LCORL: variants seen among roughly 807,000 people sequenced by gnomAD.
LCORL encodes ligand dependent nuclear receptor corepressor like.
Under a neutral mutation model 141.8 loss-of-function variants are expected in LCORL, and 41 were observed. The ratio of observed to expected loss-of-function variants is 0.29; its 90% CI spans 0.23 to 0.38. The LOEUF is 0.38. LCORL is among the 10% of genes least tolerant of loss of function. The pLI, the probability that LCORL is intolerant of heterozygous loss-of-function variation, is 1.00. For synonymous variants in LCORL, 618 were observed against 694.1 expected (o/e 0.89, Z 1.72); for missense variants, 1,759 against 2,035.0 (o/e 0.86, Z 2.61).
At chr4:17,976,016 T>C (rs900859867) in intron 1 of LCORL, among the ~76,000 whole-genome samples, 8 of 152,290 alleles carry the variant, frequency 5.3e-5, no homozygotes, top group African/African-American at 1.7e-4. Flanking sequence ...TGAATTGATA[T>C]CATCATTATA....
At chr4:17,986,107 TA>T (rs1718917727) in intron 1 of LCORL, among the ~76,000 whole-genome samples, 1 of 152,232 alleles carries the variant, frequency 6.6e-6, no homozygotes, top group Non-Finnish European at 1.5e-5. Flanking sequence ...TTCTGGCTTG[TA>T]GGGTTTCTGC....
rs1376105309 is a variant in LCORL at position 18,021,464 on chromosome 4, C to T, written c.154+134G>A. On this transcript the variant is annotated intron_variant, in intron 1 of 7. Transcript: ENST00000635767. The surrounding 1 kb of genome is among the most constrained non-coding windows in gnomAD (Gnocchi z 5.5). ...GGCGAGCGCCGGGGCCGCCGCGCCG[C>T]GCCGCTCCCATCTCGCTCCCCCACC... 2.8e-6 allele frequency: 2 copies of T among 721,330 alleles called. No homozygotes were observed. The highest frequency in any genetic ancestry group is 1.9e-5 in the African/African-American group (1 of 52,942). The allele number at this position is 721,330 out of a possible 1,614,324, so 44.7% of individuals were successfully genotyped here.
intron 1 of LCORL, among the ~76,000 whole-genome samples, chr4:17,997,551 G>A (rs1721105186): frequency 6.6e-6 from 1 of 152,100 alleles, no homozygotes; most frequent in Non-Finnish European, 1.5e-5. Context: ...ACAAAAATGA[G>A]CACTTGTGGC....
At chr4:18,000,092 A>G (rs928971039) in intron 1 of LCORL, among the ~76,000 whole-genome samples, 1 of 151,326 alleles carries the variant, frequency 6.6e-6, no homozygotes, top group Admixed American at 6.6e-5. Flanking sequence ...AGAGTAACTA[A>G]GTTTATTACT....
intron 7 of LCORL, among the ~76,000 whole-genome samples, chr4:17,848,611 C>T (rs1434529435): frequency 1.3e-5 from 2 of 152,230 alleles, no homozygotes; most frequent in Non-Finnish European, 1.5e-5. Context: ...ACGCAGAAGA[C>T]GAGTGATTTC....
intron 1 of LCORL, among the ~76,000 whole-genome samples, chr4:17,989,429 T>C (rs1256205676): frequency 1.3e-5 from 2 of 152,156 alleles, no homozygotes; most frequent in African/African-American, 4.8e-5. Context: ...ATGGACAGTG[T>C]CAAGGGCAAA....
intron 5 of LCORL, among the ~76,000 whole-genome samples, chr4:17,890,052 T>C (rs1204690276): frequency 6.6e-6 from 1 of 152,060 alleles, no homozygotes; most frequent in African/African-American, 2.4e-5. Context: ...GTCTATCTTA[T>C]TACACTGTAA....
intron 5 of LCORL, among the ~76,000 whole-genome samples, chr4:17,897,761 C>G (rs1011297119): frequency 2.0e-5 from 3 of 152,118 alleles, no homozygotes; most frequent in Admixed American, 2.0e-4. Context: ...CTCCTGTATT[C>G]TTTTAACAAA....
In LCORL at chr4:17,980,709, T is replaced by C. The variant is rs370402245; in HGVS notation, c.155-7824A>G. 2.1e-4 allele frequency among the ~76,000 whole-genome samples: 32 copies of C among 152,312 alleles called. 1 individual carries two copies. The South Asian group carries it at 3.7e-3, about 18-fold the overall frequency. On this transcript the variant is annotated intron_variant, in intron 1 of 7. Coordinates refer to ENST00000635767, the Ensembl canonical transcript of LCORL. ...CAGGAGTCCCCAATCCCCAGGGCCATGGACCAGTACCAGTCTGTGGCCTGT... is the reference window on the plus strand; with the variant it reads ...CAGGAGTCCCCAATCCCCAGGGCCACGGACCAGTACCAGTCTGTGGCCTGT...
At chr4:17,955,806 G>C (rs1312746048) in intron 4 of LCORL, among the ~76,000 whole-genome samples, 2 of 151,966 alleles carry the variant, frequency 1.3e-5, no homozygotes, top group African/African-American at 4.8e-5. Flanking sequence ...GAGAGGAAAG[G>C]GAGTTAAGAT....
Position 17,925,280 on chromosome 4 carries a change from T to C in LCORL, c.431-15935A>G, listed in dbSNP as rs527321216. Reference sequence around the variant, plus strand: ...TCCACAGTGGAGGTAAGGAAGAGTATGTGTGGAATACAGGGGATCCCTTAA... The same window carrying C: ...TCCACAGTGGAGGTAAGGAAGAGTACGTGTGGAATACAGGGGATCCCTTAA... On this transcript the variant is annotated intron_variant, in intron 4 of 7. Coordinates refer to ENST00000635767, the Ensembl canonical transcript of LCORL. Among the ~76,000 whole-genome samples the C allele has an allele frequency of 5.3e-5, 8 of 152,256 alleles. No individual in the cohort carries two copies. The South Asian group carries it at 1.7e-3, about 32-fold the overall frequency.
At chr4:17,886,875 T>C (rs1038933659) in intron 5 of LCORL, among the ~76,000 whole-genome samples, 3 of 152,082 alleles carry the variant, frequency 2.0e-5, no homozygotes, top group Non-Finnish European at 4.4e-5. Flanking sequence ...GACTTGTTAA[T>C]CTGGCATGCT....
At chr4:17,852,701 T>C (rs1191563358) in intron 7 of LCORL, among the ~76,000 whole-genome samples, 3 of 152,184 alleles carry the variant, frequency 2.0e-5, no homozygotes, top group Admixed American at 2.0e-4. Context: ...GACCCCAAGA[T>C]AGAGTCCATC....
At chr4:17,883,057 A>AC in intron 6 of LCORL, 1 of 977,648 alleles carries the variant, frequency 1.0e-6, no homozygotes, top group Non-Finnish European at 1.2e-6. Context: ...TACCTTATAA[A>AC]CCCCAACTTC....
intron 7 of LCORL, among the ~76,000 whole-genome samples, chr4:17,864,425 A>G (rs1725393726): frequency 6.6e-6 from 1 of 152,168 alleles, no homozygotes; most frequent in Non-Finnish European, 1.5e-5. Flanking sequence ...CATGTTGCCC[A>G]GGCTGGTCTT....
intron 1 of LCORL, among the ~76,000 whole-genome samples, chr4:17,985,387 T>G (rs1170918796): frequency 6.6e-6 from 1 of 152,136 alleles, no homozygotes. Flanking sequence ...CCATTTTTAT[T>G]GTGTGGGAGT....
At chr4:18,018,938 G>C (rs1725059199) in intron 1 of LCORL, among the ~76,000 whole-genome samples, 1 of 152,062 alleles carries the variant, frequency 6.6e-6, no homozygotes, top group African/African-American at 2.4e-5. Flanking sequence ...AAATAATATG[G>C]CTTTTTTATA....
chr4:17,933,954 G>A (rs1311257041), intron 4 of LCORL, among the ~76,000 whole-genome samples: 2 of 151,974 alleles, frequency 1.3e-5, no homozygotes, highest in Non-Finnish European at 2.9e-5. Context: ...AAGATTCTAA[G>A]TAACAGTCCT....
chr4:17,971,260 C>T (rs1265629956), intron 2 of LCORL, among the ~76,000 whole-genome samples: 2 of 152,002 alleles, frequency 1.3e-5, no homozygotes, highest in Non-Finnish European at 2.9e-5. Context: ...AAAATATACA[C>T]ACTTTTCTCG....
Sources: allele counts gnomAD v4.1 joint callset (sites outside exome capture counted in the v4.1 genomes callset), GRCh38; gene constraint gnomAD v4.1.1; non-coding constraint Gnocchi (gnomAD v3.1); transcripts MANE v1.5; gene names NCBI Gene and HGNC (gene_info 2026-07-23, HGNC 2026-07-21).